Variants in EDA observed in about 807,000 individuals in gnomAD.
EDA encodes the protein ectodysplasin-A.
EDA carries 2 observed loss-of-function variants against 23.6 expected under a neutral mutation model. The observed-to-expected ratio is 0.08, with a 90% CI of 0.03 to 0.27. The LOEUF (loss-of-function observed/expected upper bound fraction) is 0.27. Ranked by LOEUF, EDA falls within the 10% of genes least tolerant of loss-of-function variation. The probability of loss-of-function intolerance (pLI) is 1.00; values close to 1 mark genes in which losing one functional copy is unlikely to be tolerated. For synonymous variants in EDA, 131 were observed against 132.0 expected, an observed-to-expected ratio of 0.99 and a Z score of 0.05; for missense variants, 229 against 324.2, an observed-to-expected ratio of 0.71 and a Z score of 2.26.
intron 1 of EDA, among the ~76,000 whole-genome samples, chrX:69,882,215 T>G (rs1169472826): frequency 1.8e-5 from 2 of 112,027 alleles, no homozygotes; most frequent in Non-Finnish European, 3.8e-5. Context: ...CATTGCATTC[T>G]GAGCAGATTG....
chrX:69,703,245 C>A (rs1337432049), intron 1 of EDA, among the ~76,000 whole-genome samples: 1 of 111,349 alleles, frequency 9.0e-6, no homozygotes, highest in Non-Finnish European at 1.9e-5. Flanking sequence ...CAAGAGAGGC[C>A]GTGCAGATTT....
chrX:69,679,170 G>T (rs2147279011), intron 1 of EDA, among the ~76,000 whole-genome samples: 1 of 109,253 alleles, frequency 9.2e-6, no homozygotes, highest in South Asian at 4.1e-4. Flanking sequence ...CAGGGATGAA[G>T]CCCACTTGAT....
intron 1 of EDA, among the ~76,000 whole-genome samples, chrX:69,727,262 G>A (rs1395336248): frequency 9.0e-6 from 1 of 111,723 alleles, no homozygotes; most frequent in East Asian, 2.8e-4. Flanking sequence ...TGAGGTTTGG[G>A]GTTTATATGG....
chrX:69,771,944 C>A (rs751399686), intron 1 of EDA, among the ~76,000 whole-genome samples: 7 of 111,604 alleles, frequency 6.3e-5, no homozygotes, highest in Admixed American at 4.7e-4. Context: ...TGGACTTTAT[C>A]AAATGCTTTT....
At chrX:70,015,892 T>C (rs2019940829) in intron 2 of EDA, among the ~76,000 whole-genome samples, 1 of 111,032 alleles carries the variant, frequency 9.0e-6, no homozygotes, top group African/African-American at 3.3e-5. Flanking sequence ...TGAATGTAAA[T>C]GGGACAAATG....
chrX:69,725,840 T>G (rs2012778876), intron 1 of EDA, among the ~76,000 whole-genome samples: 1 of 112,396 alleles, frequency 8.9e-6, no homozygotes, highest in African/African-American at 3.2e-5. Flanking sequence ...TTTAAAAGCA[T>G]CACAGTGTTA....
intron 1 of EDA, chrX:69,937,098 A>T (rs374264326): frequency 1.3e-6 from 1 of 769,948 alleles, no homozygotes; most frequent in East Asian, 3.2e-5. Context: ...ACCAGAGATA[A>T]AACCTATATA....
intron 1 of EDA, among the ~76,000 whole-genome samples, chrX:69,620,139 G>A (rs1037175906): frequency 1.8e-5 from 2 of 112,002 alleles, no homozygotes; most frequent in Non-Finnish European, 3.8e-5. Context: ...TTGGTGTAAC[G>A]TAACAATCCA....
chrX:70,035,615 C>T lies in EDA; in HGVS notation c.*6C>T. ...GTGAAGCCCCTGCATCCTAGATTCC[C>T]CCCATTTTGCCTCTGTCCGTGCCCC... On this transcript the variant is annotated 3_prime_UTR_variant, in exon 8 of 8. Transcript: ENST00000374552. 2.5e-6 allele frequency: 3 copies of T among 1,207,016 alleles called. No individual in the cohort carries two copies. Among genetic ancestry groups the T allele is most frequent in the Non-Finnish European group, 3.4e-6 (3 of 894,473 alleles).
Position 70,035,614 on chromosome X carries a change from C to T in EDA, c.*5C>T, listed in dbSNP as rs770669709. 3.3e-6 allele frequency: 4 copies of T among 1,207,285 alleles called. No homozygotes were observed. In the South Asian group the frequency reaches 7.1e-5, roughly 21 times the overall value. ...GGTGAAGCCCCTGCATCCTAGATTC[C>T]CCCCATTTTGCCTCTGTCCGTGCCC... On this transcript the variant is annotated 3_prime_UTR_variant, in exon 8 of 8. Coordinates refer to ENST00000374552, the MANE Select transcript of EDA (RefSeq NM_001399.5).
At chrX:69,776,454 C>A (rs2014787241) in intron 1 of EDA, among the ~76,000 whole-genome samples, 1 of 111,586 alleles carries the variant, frequency 9.0e-6, no homozygotes, top group Non-Finnish European at 1.9e-5. Context: ...TTCCCCTGAA[C>A]AAGCTGTCTT....
chrX:69,687,844 T>G (rs2147293360), intron 1 of EDA, among the ~76,000 whole-genome samples: 1 of 111,872 alleles, frequency 8.9e-6, no homozygotes, highest in East Asian at 2.8e-4. Flanking sequence ...TGTCTTAGGT[T>G]AGGGTCCCTG....
chrX:69,845,132 G>A (rs2016980346), intron 1 of EDA, among the ~76,000 whole-genome samples: 1 of 112,217 alleles, frequency 8.9e-6, no homozygotes, highest in Non-Finnish European at 1.9e-5. Context: ...CATATATTAG[G>A]GTAGCTCTAC....
intron 2 of EDA, among the ~76,000 whole-genome samples, chrX:70,022,310 C>CTTATTTTATT (rs200615364): frequency 1.5e-4 from 17 of 109,686 alleles, no homozygotes; most frequent in African/African-American, 4.4e-4. Flanking sequence ...GTTGACATGT[C>CTTATTTTATT]TTATTTTATT....
intron 1 of EDA, among the ~76,000 whole-genome samples, chrX:69,785,555 T>G (rs2147457034): frequency 9.0e-6 from 1 of 111,057 alleles, no homozygotes; most frequent in East Asian, 2.8e-4. Flanking sequence ...AATAATCATG[T>G]GGTTTTTGTC....
In EDA at chrX:69,868,639, G is replaced by A. The variant is rs186088982; in HGVS notation, c.397-88388G>A. Among the ~76,000 whole-genome samples the A allele has an allele frequency of 6.4e-3, 716 of 112,295 alleles. 5 individuals carry two copies. Among genetic ancestry groups the A allele is most frequent in the African/African-American group, 0.022 (685 of 30,915 alleles). ...GTATGATATCTTGCAGAAGAGAAAAGCGATCAGGGTCTCTCCAAATAAGAT... is the reference window on the plus strand; with the variant it reads ...GTATGATATCTTGCAGAAGAGAAAAACGATCAGGGTCTCTCCAAATAAGAT... On this transcript the variant is annotated intron_variant, in intron 1 of 7. Transcript: ENST00000374552.
At chrX:69,805,987 G>T (rs1184044802) in intron 1 of EDA, among the ~76,000 whole-genome samples, 4 of 111,250 alleles carry the variant, frequency 3.6e-5, no homozygotes, top group African/African-American at 1.3e-4. Context: ...TTATGCTGGG[G>T]GCTCTCTATA....
chrX:69,765,098 C>G (rs1196784424), intron 1 of EDA, among the ~76,000 whole-genome samples: 1 of 111,742 alleles, frequency 8.9e-6, no homozygotes, highest in East Asian at 3.0e-4. Context: ...TCATTTATCA[C>G]TGAACAGCCA....
At chrX:69,849,850 G>A (rs929489494) in intron 1 of EDA, among the ~76,000 whole-genome samples, 2 of 112,021 alleles carry the variant, frequency 1.8e-5, no homozygotes, top group Non-Finnish European at 3.8e-5. Flanking sequence ...ACAACTGTTG[G>A]TGGTGGAAGC....
Sources: allele counts gnomAD v4.1 joint callset (sites outside exome capture counted in the v4.1 genomes callset), GRCh38; gene constraint gnomAD v4.1.1; transcripts MANE v1.5; gene names NCBI Gene and HGNC (gene_info 2026-07-23, HGNC 2026-07-21).